UTRN: variants seen among roughly 807,000 people sequenced by gnomAD.
UTRN encodes the protein dystrophin-related protein 1.
A neutral mutation model predicts 463.9 loss-of-function variants in UTRN; 283 were observed. The ratio of observed to expected loss-of-function variants is 0.61; its 90% CI spans 0.55 to 0.67. The LOEUF is 0.67. UTRN is among the 30% of genes least tolerant of loss of function. UTRN has a pLI of 0.00. For missense variants in UTRN, 3,922 were observed against 4,084.3 expected, an observed-to-expected ratio of 0.96 and a Z score of 1.08; for synonymous variants, 1,442 against 1,431.5, an observed-to-expected ratio of 1.01 and a Z score of -0.17.
At chr6:144,564,166 C>A (rs141093804) in intron 50 of UTRN, among the ~76,000 whole-genome samples, 1 of 151,972 alleles carries the variant, frequency 6.6e-6, no homozygotes, top group Non-Finnish European at 1.5e-5. Flanking sequence ...CTGCAATGTA[C>A]GTAAGTGGTA....
At chr6:144,646,138 C>T (rs61278444) in intron 51 of UTRN, among the ~76,000 whole-genome samples, 1 of 152,212 alleles carries the variant, frequency 6.6e-6, no homozygotes, top group East Asian at 1.9e-4. Context: ...GACTTCTACC[C>T]CCTCTACAAG....
intron 50 of UTRN, among the ~76,000 whole-genome samples, chr6:144,557,663 G>A (rs1329176884): frequency 6.6e-6 from 1 of 151,988 alleles, no homozygotes; most frequent in Non-Finnish European, 1.5e-5. Flanking sequence ...ATGCATCAGG[G>A]TAATGGTATC....
intron 2 of UTRN, among the ~76,000 whole-genome samples, chr6:144,401,560 G>A (rs1403443811): frequency 6.6e-6 from 1 of 152,138 alleles, no homozygotes; most frequent in Non-Finnish European, 1.5e-5. Context: ...TCACCTCTGA[G>A]CACCATTAAT....
chr6:144,629,489 C>T (rs1245000268), intron 51 of UTRN, among the ~76,000 whole-genome samples: 1 of 152,214 alleles, frequency 6.6e-6, no homozygotes, highest in Non-Finnish European at 1.5e-5. Context: ...TATTGCTGAT[C>T]CTTAGAAGCT....
intron 3 of UTRN, among the ~76,000 whole-genome samples, chr6:144,408,883 T>C (rs1783642584): frequency 6.6e-6 from 1 of 152,216 alleles, no homozygotes; most frequent in Admixed American, 6.5e-5. Context: ...TTCTCTTTAG[T>C]ACTGTAAAGA....
intron 2 of UTRN, among the ~76,000 whole-genome samples, chr6:144,345,443 G>A (rs544184960): frequency 1.1e-4 from 17 of 152,208 alleles, no homozygotes; most frequent in South Asian, 2.1e-4. Flanking sequence ...GGGAGGCTGC[G>A]GCATGAGGAT....
At chr6:144,745,577 T>G (rs1195535820) in intron 54 of UTRN, among the ~76,000 whole-genome samples, 1 of 152,178 alleles carries the variant, frequency 6.6e-6, no homozygotes, top group Non-Finnish European at 1.5e-5. Flanking sequence ...AGTAGCTTCT[T>G]GAGTGGGGAT....
intron 41 of UTRN, among the ~76,000 whole-genome samples, chr6:144,525,851 G>T (rs2128598504): frequency 6.6e-6 from 1 of 151,930 alleles, no homozygotes; most frequent in East Asian, 1.9e-4. Context: ...TACCGCTTTT[G>T]CCATATCCCA....
intron 33 of UTRN, among the ~76,000 whole-genome samples, chr6:144,495,516 C>T (rs944773133): frequency 2.0e-5 from 3 of 152,220 alleles, no homozygotes; most frequent in Admixed American, 6.5e-5. Context: ...TTCCCGCTCG[C>T]GCCTCTCCCT....
intron 39 of UTRN, 113 bp downstream of exon 39, chr6:144,517,061 C>T: frequency 1.1e-6 from 1 of 925,966 alleles, no homozygotes; most frequent in Non-Finnish European, 1.5e-6. Flanking sequence ...GGAATATCAT[C>T]TCCTCCTTTC....
At chr6:144,729,249 C>T (rs1372785433) in intron 53 of UTRN, among the ~76,000 whole-genome samples, 1 of 151,978 alleles carries the variant, frequency 6.6e-6, no homozygotes, top group East Asian at 1.9e-4. Flanking sequence ...GTGTATGTTG[C>T]TTAGATCCAT....
chr6:144,765,557 G>A (rs1242497400), intron 58 of UTRN, among the ~76,000 whole-genome samples: 1 of 152,102 alleles, frequency 6.6e-6, no homozygotes, highest in African/African-American at 2.4e-5. Flanking sequence ...GGGACTACAG[G>A]TACATGCCAC....
rs548315678 is a variant in UTRN at position 144,401,879 on chromosome 6, C to A, written c.80-1244C>A. On this transcript the variant is annotated intron_variant, in intron 2 of 74. Coordinates refer to ENST00000367545, the MANE Select transcript of UTRN (RefSeq NM_007124.3). ...AGGGCCAAGCACACCTGGGCTTCCT[C>A]CATTATTATTTTGCTGCTCTGATGT... Among the ~76,000 whole-genome samples the A allele has an allele frequency of 3.9e-5, 6 of 152,228 alleles. No homozygotes were observed. In the East Asian group the frequency reaches 1.2e-3, roughly 29 times the overall value.
chr6:144,351,724 A>G (rs1778124953), intron 2 of UTRN, among the ~76,000 whole-genome samples: 1 of 152,214 alleles, frequency 6.6e-6, no homozygotes, highest in African/African-American at 2.4e-5. Flanking sequence ...CTCCAAATAG[A>G]GGTGAACTGT....
intron 33 of UTRN, among the ~76,000 whole-genome samples, chr6:144,495,193 G>C (rs1309791843): frequency 6.6e-6 from 1 of 152,176 alleles, no homozygotes; most frequent in African/African-American, 2.4e-5. Flanking sequence ...GCGCCGTGGA[G>C]CAGGGGGTGG....
At chr6:144,519,398 C>T (rs1271254939) in intron 39 of UTRN, among the ~76,000 whole-genome samples, 1 of 152,032 alleles carries the variant, frequency 6.6e-6, no homozygotes, top group Non-Finnish European at 1.5e-5. Flanking sequence ...TTGGTAAAAA[C>T]AAAACTTAGA....
chr6:144,693,132 C>T lies in UTRN; in HGVS notation c.7653-6955C>T, dbSNP rs920560159. Among the ~76,000 whole-genome samples the T allele has an allele frequency of 7.9e-5, 12 of 152,030 alleles. No individual in the cohort carries two copies. In the East Asian group the frequency reaches 2.1e-3, roughly 27 times the overall value. On this transcript the variant is annotated intron_variant, in intron 52 of 74. Coordinates refer to ENST00000367545, the MANE Select transcript of UTRN (RefSeq NM_007124.3). ...ATATGGCTAGCCAGTTACCCAGCAA[C>T]GTTTATTGAATAGGGAATCATTTCC... is the stretch of plus-strand genomic sequence containing the variant.
At chr6:144,645,236 G>T (rs1170742638) in intron 51 of UTRN, among the ~76,000 whole-genome samples, 1 of 152,116 alleles carries the variant, frequency 6.6e-6, no homozygotes, top group Non-Finnish European at 1.5e-5. Context: ...CTATTCCCAA[G>T]TAATTTTTGT....
Position 144,401,817 on chromosome 6 carries a change from G to A in UTRN, c.80-1306G>A, listed in dbSNP as rs957713086. Among the ~76,000 whole-genome samples, 5 of 152,132 alleles carry A rather than the reference G, an allele frequency of 3.3e-5. No individual in the cohort carries two copies. The South Asian group carries it at 8.3e-4, about 25-fold the overall frequency. On this transcript the variant is annotated intron_variant, in intron 2 of 74. Coordinates refer to ENST00000367545, the MANE Select transcript of UTRN (RefSeq NM_007124.3). Reference sequence around the variant, plus strand: ...CCTCTAATGATCCTAGCAGAGGTTCGTGAGCAGGTCTGTATTTAATGTGGA... The same window carrying A: ...CCTCTAATGATCCTAGCAGAGGTTCATGAGCAGGTCTGTATTTAATGTGGA...
Sources: allele counts gnomAD v4.1 joint callset (sites outside exome capture counted in the v4.1 genomes callset), GRCh38; gene constraint gnomAD v4.1.1; transcripts MANE v1.5; gene names NCBI Gene and HGNC (gene_info 2026-07-23, HGNC 2026-07-21).